SHC2: variants seen among roughly 807,000 people sequenced by gnomAD.
SHC2 encodes SHC-transforming protein 2.
In SHC2, 62 loss-of-function variants were observed where a neutral mutation model predicts 60.6. The ratio of observed to expected loss-of-function variants is 1.02; its 90% CI spans 0.83 to 1.26. The LOEUF is 1.26. SHC2 is among the 50% of genes most tolerant of loss of function. The pLI is 0.00. For synonymous variants in SHC2, 375 were observed against 372.4 expected, an observed-to-expected ratio of 1.01 and a Z score of -0.08; for missense variants, 873 against 822.2, an observed-to-expected ratio of 1.06 and a Z score of -0.76.
chr19:443,029 G>A lies in SHC2; in HGVS notation c.469-2097C>T, dbSNP rs151223959. Among the ~76,000 whole-genome samples the A allele has an allele frequency of 3.3e-3, 488 of 147,868 alleles. 3 individuals carry two copies. Among genetic ancestry groups the A allele is most frequent in the African/African-American group, 0.012 (459 of 39,804 alleles). ...TGGATGGATGAATGGGTGGGTGGGT[G>A]GATGAATGGATGGATGGACGGGTGG... is the stretch of plus-strand genomic sequence containing the variant. On this transcript the variant is annotated intron_variant, in intron 1 of 12. Transcript: ENST00000264554.
intron 12 of SHC2, among the ~76,000 whole-genome samples, chr19:418,097 C>G (rs751236273): frequency 6.6e-6 from 1 of 152,198 alleles, no homozygotes; most frequent in Non-Finnish European, 1.5e-5. Context: ...CCTGTCCCTC[C>G]TCCGTCCACA....
chr19:460,024 AAG>A (rs1975501042), intron 1 of SHC2, among the ~76,000 whole-genome samples: 1 of 152,212 alleles, frequency 6.6e-6, no homozygotes, highest in Middle Eastern at 3.2e-3. Flanking sequence ...CATAAGACCC[AAG>A]GTAAATAAAC....
In SHC2 at chr19:436,765, G is replaced by A. The variant is rs564388299; in HGVS notation, c.721-82C>T. 1.6e-4 allele frequency: 206 copies of A among 1,316,276 alleles called. 2 individuals carry two copies. The highest frequency in any genetic ancestry group is 1.5e-3 in the South Asian group (116 of 79,712). The allele number at this position is 1,316,276 out of a possible 1,614,324, so 81.5% of individuals were successfully genotyped here. A position where few individuals can be genotyped will look rare whatever the true frequency, so the allele number is the denominator to read the frequency against. Reference sequence around the variant, plus strand: ...CCGGCAGATGGACCAGGACCACAGCGAAGAGTGGGGCAGGGGCAGGGATGT... The same window carrying A: ...CCGGCAGATGGACCAGGACCACAGCAAAGAGTGGGGCAGGGGCAGGGATGT... On this transcript the variant is annotated intron_variant, in intron 4 of 12. Coordinates refer to ENST00000264554, the MANE Select transcript of SHC2 (RefSeq NM_012435.3).
chr19:459,121 T>C (rs1031923224), intron 1 of SHC2, among the ~76,000 whole-genome samples: 1 of 124,180 alleles, frequency 8.1e-6, no homozygotes, highest in African/African-American at 2.6e-5. Flanking sequence ...CTGTTCCCAA[T>C]ATAAGGTAAT....
At chr19:423,143 A>G (rs113254573) in intron 10 of SHC2, among the ~76,000 whole-genome samples, 13,059 of 115,440 alleles carry the variant, frequency 0.11, 787 homozygotes, top group African/African-American at 0.13. Flanking sequence ...CCTGACCCTC[A>G]CTCCCTGGTC....
rs116265496 is a variant in SHC2, at chr19:418,317, C to G, written c.*5+606G>C. ...GCAGGGGTCCACAAAGACCAGGTGA[C>G]GCCCACCACAGCCGACCGCAGTGTC... is the stretch of plus-strand genomic sequence containing the variant. On this transcript the variant is annotated intron_variant, in intron 12 of 12. Transcript: ENST00000264554. Among the ~76,000 whole-genome samples, 1,449 of 152,360 alleles carry G rather than the reference C, an allele frequency of 9.5e-3. 22 individuals carry two copies. The highest frequency in any genetic ancestry group is 0.034 in the African/African-American group (1,394 of 41,580).
intron 11 of SHC2, among the ~76,000 whole-genome samples, chr19:420,128 C>A (rs1974234386): frequency 6.6e-6 from 1 of 152,182 alleles, no homozygotes; most frequent in African/African-American, 2.4e-5. Context: ...CCGGTCTGAC[C>A]CCAGCGATCC....
At chr19:456,430 C>T (rs1223142694) in intron 1 of SHC2, among the ~76,000 whole-genome samples, 1 of 152,148 alleles carries the variant, frequency 6.6e-6, no homozygotes, top group Non-Finnish European at 1.5e-5. Flanking sequence ...GGTCCCCTGG[C>T]CTGGGCCACC....
intron 1 of SHC2, 75 bp downstream of exon 1, chr19:460,453 CG>C: frequency 3.9e-6 from 2 of 513,182 alleles, no homozygotes; most frequent in Non-Finnish European, 4.6e-6. Context: ...TCGCGGGGTC[CG>C]GGGGTCCCGG....
chr19:437,176 A>G (rs1974743219), intron 4 of SHC2, among the ~76,000 whole-genome samples: 1 of 152,078 alleles, frequency 6.6e-6, no homozygotes, highest in Non-Finnish European at 1.5e-5. Context: ...ACTGATCTGC[A>G]TGCTCGTTTG....
chr19:439,566 C>T (rs76821818), intron 2 of SHC2: 1,876 of 154,138 alleles, frequency 0.012, 42 homozygotes, highest in African/African-American at 0.042. Context: ...CTGAAGGGGC[C>T]CCGGAAATGT....
In SHC2 at chr19:422,380, C is replaced by T; in HGVS notation, c.1386G>A (p.Glu462=). 6.2e-7 allele frequency: 1 copy of T among 1,602,306 alleles called. No homozygotes were observed. The highest frequency in any genetic ancestry group is 8.5e-7 in the Non-Finnish European group (1 of 1,175,258). The change falls in exon 11 of 13, where the codon GAG becomes GAA. Residue 462 remains glutamate, a synonymous_variant. Transcript: ENST00000264554. The surrounding 1 kb of genome is among the most constrained non-coding windows in gnomAD (Gnocchi z 5.0). ...AGVTAAPLPL[E]DQWPSPPTRR... is the part of the protein sequence containing the mutation. Reference sequence around the variant, plus strand: ...GGGTAGGGGGGCTGGGCCACTGGTCCTCCAAGGGAAGAGGGGCTGCTGTCA... The same window carrying T: ...GGGTAGGGGGGCTGGGCCACTGGTCTTCCAAGGGAAGAGGGGCTGCTGTCA...
At position 424,972 on chromosome 19, in the gene SHC2, C is replaced by T. The variant is rs372145028; in HGVS notation, c.1309+125G>A. 233 of 1,081,522 alleles carry T rather than the reference C, an allele frequency of 2.2e-4. No homozygotes were observed. In the East Asian group the frequency reaches 6.0e-3, roughly 28 times the overall value. The allele number at this position is 1,081,522 out of a possible 1,614,324, so 67.0% of individuals were successfully genotyped here. ...CCACCCGTCGACTTGAAGGATCTCA[C>T]GGGGAGAAGGGAGCCTCCCCCATCA... On this transcript the variant is annotated intron_variant, in intron 10 of 12. Transcript: ENST00000264554. The surrounding 1 kb of genome is among the most constrained non-coding windows in gnomAD (Gnocchi z 4.5).
At chr19:427,333 C>T (rs1198504574) in intron 9 of SHC2, among the ~76,000 whole-genome samples, 1 of 152,230 alleles carries the variant, frequency 6.6e-6, no homozygotes, top group African/African-American at 2.4e-5. Context: ...CTCCGTGACC[C>T]GGCAGTTCCC....
rs1334274726 is a variant in SHC2, at chr19:460,574, G to T, written c.423C>A (p.His141Gln). Reference sequence around the variant, plus strand: ...CGGGCCCCAGGACCCTGGCGTCGGGGTGTAGCCAGCCGTGCGCGGGTTTGT... The same window carrying T: ...CGGGCCCCAGGACCCTGGCGTCGGGTTGTAGCCAGCCGTGCGCGGGTTTGT... ...FIHKPAHGWL[H>Q]PDARVLGPGV... Residue 141 changes from histidine to glutamine, a missense_variant, in exon 1 of 13, where the codon CAC becomes CAA. Coordinates refer to ENST00000264554, the MANE Select transcript of SHC2 (RefSeq NM_012435.3). 1.1e-5 allele frequency: 15 copies of T among 1,417,030 alleles called. No individual in the cohort carries two copies. The East Asian group carries it at 2.8e-4, about 26-fold the overall frequency. 87.8% of individuals were successfully genotyped at this position (1,417,030 alleles called of 1,614,324 possible). A position where few individuals can be genotyped will look rare whatever the true frequency, so the allele number is the denominator to read the frequency against.
At position 424,803 on chromosome 19, in the gene SHC2, G is replaced by C. The variant is rs920845761; in HGVS notation, c.1309+294C>G. On this transcript the variant is annotated intron_variant, in intron 10 of 12. Coordinates refer to ENST00000264554, the MANE Select transcript of SHC2 (RefSeq NM_012435.3). The surrounding 1 kb of genome is among the most constrained non-coding windows in gnomAD (Gnocchi z 4.5). ...CGGGAGATGGGGTCCTGTAGGAGGGGCTGGGCCTCACCCATTACACTGCTC... is the reference window on the plus strand; with the variant it reads ...CGGGAGATGGGGTCCTGTAGGAGGGCCTGGGCCTCACCCATTACACTGCTC... 6.6e-6 allele frequency among the ~76,000 whole-genome samples: 1 copy of C among 152,150 alleles called. No homozygotes were observed. The highest frequency in any genetic ancestry group is 2.4e-5 in the African/African-American group (1 of 41,434).
At chr19:451,787 G>A (rs1016100877) in intron 1 of SHC2, among the ~76,000 whole-genome samples, 7 of 152,020 alleles carry the variant, frequency 4.6e-5, no homozygotes, top group East Asian at 1.9e-4. Flanking sequence ...TAGTAGAGAC[G>A]GGGTTTCACC....
intron 1 of SHC2, among the ~76,000 whole-genome samples, chr19:448,019 G>A (rs1249875491): frequency 4.6e-5 from 7 of 152,198 alleles, no homozygotes; most frequent in African/African-American, 4.8e-5. Flanking sequence ...ACCGGATGCC[G>A]GGGCCAGGGC....
rs1207237203 is a variant in SHC2 at position 424,700 on chromosome 19, C to T, written c.1309+397G>A. Reference sequence around the variant, plus strand: ...GTTCCGACAGAGGCAGGTGGGTTACCCCCGAGAGAGTGGAGCTTCTCACAG... The same window carrying T: ...GTTCCGACAGAGGCAGGTGGGTTACTCCCGAGAGAGTGGAGCTTCTCACAG... On this transcript the variant is annotated intron_variant, in intron 10 of 12. Coordinates refer to ENST00000264554, the MANE Select transcript of SHC2 (RefSeq NM_012435.3). This position sits in a 1 kb window ranked among gnomAD's most constrained non-coding sequence, Gnocchi z 4.5. 6.6e-6 allele frequency among the ~76,000 whole-genome samples: 1 copy of T among 152,192 alleles called. No individual in the cohort carries two copies. The highest frequency in any genetic ancestry group is 6.5e-5 in the Admixed American group (1 of 15,280).
Sources: gnomAD v4.1 joint callset for allele counts (sites outside exome capture counted in the v4.1 genomes callset) on GRCh38, gnomAD v4.1.1 for gene constraint, Gnocchi (gnomAD v3.1) non-coding constraint, MANE v1.5 for transcripts, NCBI Gene and HGNC (gene_info 2026-07-23, HGNC 2026-07-21) for gene names.